SLC5A8: variants seen among roughly 807,000 people sequenced by gnomAD.
SLC5A8 encodes sodium-coupled monocarboxylate transporter 1.
SLC5A8 carries 55 observed loss-of-function variants against 71.9 expected under a neutral mutation model. The ratio of observed to expected loss-of-function variants is 0.77; its 90% CI spans 0.62 to 0.96. SLC5A8 has a LOEUF of 0.96. Ranked by LOEUF, SLC5A8 falls within the 40% of genes least tolerant of loss-of-function variation. The pLI is 0.00. For missense variants in SLC5A8, 701 were observed against 745.3 expected (o/e 0.94, Z 0.69); for synonymous variants, 307 against 276.1 (o/e 1.11, Z -1.11).
intron 14 of SLC5A8, 57 bp from the exon 15 acceptor site, chr12:101,157,458 G>GTTC: frequency 2.0e-6 from 3 of 1,518,374 alleles, no homozygotes; most frequent in Non-Finnish European, 2.7e-6. Context: ...CTTCATTCAT[G>GTTC]TAATTCTAAA....
chr12:101,157,516 C>T, intron 14 of SLC5A8, 115 bp from the exon 15 acceptor site: 1 of 1,279,652 alleles, frequency 7.8e-7, no homozygotes, highest in Non-Finnish European at 1.1e-6. Context: ...TTCTAATCTA[C>T]TGAGGGAGAG....
chr12:101,184,118 G>T lies in SLC5A8; in HGVS notation c.1052+16C>A. ...CCAACAGGGAAATCATATGTTATTA[G>T]AGTCATAGTTCATACCTTAATGTCC... is the stretch of plus-strand genomic sequence containing the variant. On this transcript the variant is annotated intron_variant, in intron 8 of 14. Transcript: ENST00000536262. 6.2e-7 allele frequency: 1 copy of T among 1,601,040 alleles called. No individual in the cohort carries two copies. The highest frequency in any genetic ancestry group is 1.1e-5 in the South Asian group (1 of 90,110).
chr12:101,194,993 G>A (rs1449906860), intron 4 of SLC5A8, 102 bp downstream of exon 4: 16 of 1,078,294 alleles, frequency 1.5e-5, no homozygotes, highest in Non-Finnish European at 2.1e-5. Context: ...GGGAATAGGA[G>A]AGTAAGTGTG....
chr12:101,195,070 A>C, intron 4 of SLC5A8, 25 bp downstream of exon 4: 1 of 1,612,966 alleles, frequency 6.2e-7, no homozygotes, highest in Non-Finnish European at 8.5e-7. Context: ...GGTAGAGTGA[A>C]AAGGGAAATA....
chr12:101,196,554 GA>G (rs199817839), intron 3 of SLC5A8, among the ~76,000 whole-genome samples: 55 of 149,566 alleles, frequency 3.7e-4, no homozygotes, highest in Middle Eastern at 3.4e-3. Flanking sequence ...AGTTAAATTA[GA>G]AAAAAAAACT....
In SLC5A8 at chr12:101,209,689, C is replaced by T. The variant is rs149707334; in HGVS notation, c.160G>A (p.Ala54Thr). The change falls in exon 1 of 15, where the codon GCA becomes ACA. Residue 54 changes from alanine to threonine, a missense_variant. Coordinates refer to ENST00000536262, the MANE Select transcript of SLC5A8 (RefSeq NM_145913.5). ...DFLMGGRRMTAVPVALSLTAS... is the reference protein window; with the variant it reads ...DFLMGGRRMTTVPVALSLTAS... ...GTGAGGGACAGCGCCACGGGCACTG[C>T]GGTCATTCTGCGGCCGCCCATCAGG... is the stretch of plus-strand genomic sequence containing the variant. The T allele has an allele frequency of 7.2e-4, 1,168 of 1,613,506 alleles. 2 individuals carry two copies. Among genetic ancestry groups the T allele is most frequent in the Middle Eastern group, 2.1e-3 (13 of 6,062 alleles).
intron 7 of SLC5A8, among the ~76,000 whole-genome samples, chr12:101,185,437 T>C (rs1033180202): frequency 1.3e-5 from 2 of 152,206 alleles, no homozygotes; most frequent in Non-Finnish European, 2.9e-5. Context: ...CCCTCAAGTA[T>C]AGGTAGAACC....
chr12:101,172,924 CT>C (rs2051843879), intron 10 of SLC5A8, among the ~76,000 whole-genome samples: 1 of 152,160 alleles, frequency 6.6e-6, no homozygotes. Context: ...AGTTGTGCCC[CT>C]GTCCCATGGG....
chr12:101,198,852 G>C (rs996692048), intron 3 of SLC5A8, among the ~76,000 whole-genome samples: 1 of 151,788 alleles, frequency 6.6e-6, no homozygotes. Context: ...GAGCAAGCAG[G>C]GTTTATCCCA....
intron 13 of SLC5A8, among the ~76,000 whole-genome samples, chr12:101,159,830 C>T (rs1255689887): frequency 1.3e-5 from 2 of 152,122 alleles, no homozygotes; most frequent in Non-Finnish European, 2.9e-5. Context: ...TACAGGGAGA[C>T]TGGTTAGGTG....
At chr12:101,199,236 C>T (rs1049571414) in intron 3 of SLC5A8, 4 of 151,890 alleles carry the variant, frequency 2.6e-5, no homozygotes, top group South Asian at 2.1e-4. Context: ...TACTAAGAGA[C>T]TTTTTATTTT....
rs763023323 is a variant in SLC5A8, at chr12:101,184,128, T to C, written c.1052+6A>G. ...AATCATATGTTATTAGAGTCATAGT[T>C]CATACCTTAATGTCCCACTGTAAGC... is the stretch of plus-strand genomic sequence containing the variant. On this transcript the variant is annotated splice_donor_region_variant and intron_variant, in intron 8 of 14. Coordinates refer to ENST00000536262, the MANE Select transcript of SLC5A8 (RefSeq NM_145913.5). 11 of 1,611,778 alleles carry C rather than the reference T, an allele frequency of 6.8e-6. No individual in the cohort carries two copies. The South Asian group carries it at 9.9e-5, about 15-fold the overall frequency.
At chr12:101,194,726 C>G (rs558275316) in intron 4 of SLC5A8, among the ~76,000 whole-genome samples, 3 of 152,282 alleles carry the variant, frequency 2.0e-5, no homozygotes, top group Admixed American at 6.5e-5. Flanking sequence ...ATCCTTCCAC[C>G]TCGGCCTCCC....
chr12:101,208,939 A>G (rs1869790756), intron 1 of SLC5A8, among the ~76,000 whole-genome samples: 1 of 152,186 alleles, frequency 6.6e-6, no homozygotes, highest in South Asian at 2.1e-4. Flanking sequence ...CCAGCTAGTA[A>G]GTGGTAGAAT....
intron 10 of SLC5A8, among the ~76,000 whole-genome samples, chr12:101,174,063 T>G (rs2051856776): frequency 1.3e-5 from 2 of 152,166 alleles, no homozygotes; most frequent in South Asian, 4.1e-4. Context: ...GGCCACAAAG[T>G]AAAATAAAAA....
intron 10 of SLC5A8, 35 bp downstream of exon 10, chr12:101,179,994 A>G (rs1462615856): frequency 1.9e-6 from 3 of 1,610,756 alleles, no homozygotes; most frequent in South Asian, 1.1e-5. Flanking sequence ...AGATTTAGTG[A>G]TTTATGACTT....
At position 101,203,294 on chromosome 12, in the gene SLC5A8, T is replaced by C. The variant is rs558640730; in HGVS notation, c.418-1079A>G. On this transcript the variant is annotated intron_variant, in intron 2 of 14. Transcript: ENST00000536262. ...TGCAAAGATATAAAATGGAGTCAAG[T>C]TACATAATTTACAAAGGCACTCTGT... Among the ~76,000 whole-genome samples, 106 of 152,318 alleles carry C rather than the reference T, an allele frequency of 7.0e-4. 4 individuals are homozygous for C. In the South Asian group the frequency reaches 0.021, roughly 31 times the overall value.
At chr12:101,205,628 A>T (rs1225438666) in intron 1 of SLC5A8, among the ~76,000 whole-genome samples, 1 of 152,114 alleles carries the variant, frequency 6.6e-6, no homozygotes, top group African/African-American at 2.4e-5. Context: ...TTGCCCCGTG[A>T]TCATGGCTAA....
At chr12:101,167,341 A>T (rs1342951325) in intron 11 of SLC5A8, among the ~76,000 whole-genome samples, 1 of 152,168 alleles carries the variant, frequency 6.6e-6, no homozygotes, top group Non-Finnish European at 1.5e-5. Flanking sequence ...TGCCTTACCA[A>T]TTCCTAATGC....
Sources: allele counts gnomAD v4.1 joint callset (sites outside exome capture counted in the v4.1 genomes callset), GRCh38; gene constraint gnomAD v4.1.1; transcripts MANE v1.5; gene names NCBI Gene and HGNC (gene_info 2026-07-23, HGNC 2026-07-21).